The following NELL2 variants were observed in gnomAD, a reference collection of about 807,000 sequenced individuals.
The protein encoded by NELL2 is protein kinase C-binding protein NELL2.
In NELL2, 41 loss-of-function variants were observed where a neutral mutation model predicts 109.6. The observed-to-expected ratio is 0.37, with a 90% CI of 0.29 to 0.49. The LOEUF (loss-of-function observed/expected upper bound fraction) is 0.49. Ranked by LOEUF, NELL2 falls within the 20% of genes least tolerant of loss-of-function variation. NELL2 has a pLI of 0.98. For synonymous variants in NELL2, 355 were observed against 344.7 expected (o/e 1.03, Z -0.33); for missense variants, 900 against 1,008.3 (o/e 0.89, Z 1.45).
At chr12:44,730,933 C>T (rs926304063) in intron 9 of NELL2, among the ~76,000 whole-genome samples, 1 of 151,996 alleles carries the variant, frequency 6.6e-6, no homozygotes, top group Non-Finnish European at 1.5e-5. Context: ...CAGAAATACA[C>T]AGGAAATGTT....
chr12:44,869,088 A>G (rs1945091514), intron 2 of NELL2, among the ~76,000 whole-genome samples: 1 of 152,230 alleles, frequency 6.6e-6, no homozygotes, highest in Non-Finnish European at 1.5e-5. Flanking sequence ...CATCTAAAAC[A>G]GGTATGAGAA....
chr12:44,523,095 T>G (rs1177543300), intron 17 of NELL2, 196 bp downstream of exon 17: 1 of 611,260 alleles, frequency 1.6e-6, no homozygotes, highest in South Asian at 2.0e-5. Context: ...AGTTTTTGCC[T>G]GGATCTAAGG....
intron 12 of NELL2, among the ~76,000 whole-genome samples, chr12:44,671,860 C>A (rs1417947928): frequency 6.6e-6 from 1 of 152,110 alleles, no homozygotes; most frequent in Non-Finnish European, 1.5e-5. Flanking sequence ...GTAGGAGTCC[C>A]CTGGGCTTAA....
chr12:44,850,544 G>C (rs1174770982), intron 2 of NELL2, among the ~76,000 whole-genome samples: 1 of 149,352 alleles, frequency 6.7e-6, no homozygotes, highest in Admixed American at 6.6e-5. Context: ...CAGTCAATTA[G>C]AGTTTATCTT....
chr12:44,887,636 T>TTGTGTG (rs141640366), intron 1 of NELL2, among the ~76,000 whole-genome samples: 17 of 149,234 alleles, frequency 1.1e-4, no homozygotes, highest in African/African-American at 3.2e-4. Context: ...GGGGGGATTA[T>TTGTGTG]TGTGTGTGTG....
At chr12:44,728,056 A>T (rs1156547223) in intron 9 of NELL2, among the ~76,000 whole-genome samples, 1 of 151,940 alleles carries the variant, frequency 6.6e-6, no homozygotes, top group Admixed American at 6.6e-5. Flanking sequence ...TTATTACTTT[A>T]ATGGCTATTA....
At chr12:44,637,884 C>T (rs987033792) in intron 13 of NELL2, among the ~76,000 whole-genome samples, 9 of 151,958 alleles carry the variant, frequency 5.9e-5, no homozygotes, top group African/African-American at 1.9e-4. Context: ...TAATACTAGT[C>T]TTGTCCAGCT....
chr12:44,780,762 A>C (rs1941929012), intron 3 of NELL2, among the ~76,000 whole-genome samples: 1 of 152,112 alleles, frequency 6.6e-6, no homozygotes, highest in Admixed American at 6.6e-5. Flanking sequence ...CCACAGTGCC[A>C]GCAGAAACCA....
At chr12:44,789,358 G>A (rs769469739) in intron 3 of NELL2, among the ~76,000 whole-genome samples, 1 of 152,154 alleles carries the variant, frequency 6.6e-6, no homozygotes, top group Non-Finnish European at 1.5e-5. Flanking sequence ...CTTGCTGGGT[G>A]GCTAGACCCA....
At chr12:44,771,485 G>A (rs1403053818) in intron 9 of NELL2, among the ~76,000 whole-genome samples, 1 of 152,154 alleles carries the variant, frequency 6.6e-6, no homozygotes, top group Non-Finnish European at 1.5e-5. Flanking sequence ...TACTTATAGA[G>A]CTGTAAAGAT....
At chr12:44,714,775 A>T (rs775392606) in intron 9 of NELL2, 34 bp from the exon 10 acceptor site, 2 of 1,359,538 alleles carry the variant, frequency 1.5e-6, no homozygotes, top group Non-Finnish European at 2.0e-6. Context: ...TATTTATTTT[A>T]TTGGGAAAAA....
chr12:44,569,143 C>T (rs531064239), intron 15 of NELL2, among the ~76,000 whole-genome samples: 1 of 152,230 alleles, frequency 6.6e-6, no homozygotes, highest in South Asian at 2.1e-4. Flanking sequence ...ATTTGGTTTT[C>T]TGTTACTGCA....
chr12:44,630,844 T>C (rs1391886969), intron 13 of NELL2, among the ~76,000 whole-genome samples: 1 of 152,146 alleles, frequency 6.6e-6, no homozygotes, highest in Non-Finnish European at 1.5e-5. Context: ...GAATAAAGAT[T>C]AGTCTCATTT....
At chr12:44,784,223 A>G (rs1341297615) in intron 3 of NELL2, among the ~76,000 whole-genome samples, 1 of 152,130 alleles carries the variant, frequency 6.6e-6, no homozygotes, top group Admixed American at 6.6e-5. Context: ...ATGGTGAAAG[A>G]CCAGATGCTT....
chr12:44,753,119 G>C (rs889662319), intron 9 of NELL2, among the ~76,000 whole-genome samples: 1 of 152,018 alleles, frequency 6.6e-6, no homozygotes, highest in Non-Finnish European at 1.5e-5. Context: ...TTACATGGCC[G>C]GCTCCTTCAC....
rs552366417 is a variant in NELL2, at chr12:44,544,480, T to C, written c.1664-11759A>G. Among the ~76,000 whole-genome samples the C allele has an allele frequency of 5.9e-5, 9 of 152,246 alleles. No individual in the cohort carries two copies. In the South Asian group the frequency reaches 1.9e-3, roughly 32 times the overall value. On this transcript the variant is annotated intron_variant, in intron 15 of 19. Coordinates refer to ENST00000429094, the MANE Select transcript of NELL2 (RefSeq NM_001145108.2). ...AGTCATATGCCATCTTTGGGAGTTATGAGAAAATAGTCCCTCAGGTAATTT... is the reference window on the plus strand; with the variant it reads ...AGTCATATGCCATCTTTGGGAGTTACGAGAAAATAGTCCCTCAGGTAATTT...
chr12:44,586,288 A>G (rs1565971982), intron 15 of NELL2, among the ~76,000 whole-genome samples: 1 of 149,464 alleles, frequency 6.7e-6, no homozygotes, highest in East Asian at 1.9e-4. Context: ...GTGTGATTAT[A>G]TATATATAGA....
intron 15 of NELL2, among the ~76,000 whole-genome samples, chr12:44,577,008 G>A (rs1417725933): frequency 1.4e-5 from 2 of 138,264 alleles, no homozygotes; most frequent in African/African-American, 5.7e-5. Context: ...ATAAACATAC[G>A]TGTGCATGTG....
At position 44,710,623 on chromosome 12, in the gene NELL2, G is replaced by A. The variant is rs147656001; in HGVS notation, c.1189+669C>T. Among the ~76,000 whole-genome samples, 118 of 152,226 alleles carry A rather than the reference G, an allele frequency of 7.8e-4. 1 individual carries two copies. The highest frequency in any genetic ancestry group is 3.6e-3 in the Admixed American group (55 of 15,262). ...AAGATACCTAGTTTAAAAATCTTTA[G>A]TGATGGAAATTCACTGCCTTCTGGG... On this transcript the variant is annotated intron_variant, in intron 11 of 19. Coordinates refer to ENST00000429094, the MANE Select transcript of NELL2 (RefSeq NM_001145108.2).
Sources: allele counts gnomAD v4.1 joint callset (sites outside exome capture counted in the v4.1 genomes callset), GRCh38; gene constraint gnomAD v4.1.1; transcripts MANE v1.5; gene names NCBI Gene and HGNC (gene_info 2026-07-23, HGNC 2026-07-21).